The following MEOX2 variants were observed in gnomAD, a reference collection of about 807,000 sequenced individuals.
The protein encoded by MEOX2 is mesenchyme homeobox 2, also known as homeobox protein MOX-2.
A neutral mutation model predicts 27.0 loss-of-function variants in MEOX2; 11 were observed. The ratio of observed to expected loss-of-function variants is 0.41; its 90% CI spans 0.26 to 0.68. The LOEUF (loss-of-function observed/expected upper bound fraction) is 0.68, where lower values mean the gene tolerates loss of function less well. Among genes scored for constraint, MEOX2 ranks in the 30% least tolerant of loss-of-function variants. The pLI, the probability that MEOX2 is intolerant of heterozygous loss-of-function variation, is 0.33. For missense variants in MEOX2, 436 were observed against 385.4 expected, an observed-to-expected ratio of 1.13 and a Z score of -1.10; for synonymous variants, 189 against 155.4, an observed-to-expected ratio of 1.22 and a Z score of -1.61.
intron 1 of MEOX2, among the ~76,000 whole-genome samples, chr7:15,661,956 A>G (rs1012058644): frequency 6.6e-6 from 1 of 152,156 alleles, no homozygotes; most frequent in Non-Finnish European, 1.5e-5. Context: ...AGGGTATAAT[A>G]AAATAAACTT....
At chr7:15,667,412 T>G (rs1217474517) in intron 1 of MEOX2, among the ~76,000 whole-genome samples, 3 of 152,074 alleles carry the variant, frequency 2.0e-5, no homozygotes, top group Non-Finnish European at 4.4e-5. Context: ...GCTGCATTAT[T>G]ATACCCTCTG....
intron 2 of MEOX2, among the ~76,000 whole-genome samples, chr7:15,624,798 C>T (rs1442136103): frequency 6.6e-6 from 1 of 152,112 alleles, no homozygotes; most frequent in Admixed American, 6.6e-5. Flanking sequence ...GTTTGTTACA[C>T]AGCAAAGGGT....
rs566909861 is a variant in MEOX2 at position 15,629,096 on chromosome 7, T to A, written c.518-2178A>T. ...TTTCTCATGAGCAGTTCAATTTGAA[T>A]GATTCATGGTTAGCACATTCCCTTA... On this transcript the variant is annotated intron_variant, in intron 1 of 2. Coordinates refer to ENST00000262041, the MANE Select transcript of MEOX2 (RefSeq NM_005924.5). 2.6e-5 allele frequency among the ~76,000 whole-genome samples: 4 copies of A among 152,218 alleles called. No individual in the cohort carries two copies. The South Asian group carries it at 6.2e-4, about 24-fold the overall frequency.
intron 1 of MEOX2, among the ~76,000 whole-genome samples, chr7:15,677,944 T>G (rs1217311707): frequency 6.6e-6 from 1 of 152,190 alleles, no homozygotes; most frequent in Non-Finnish European, 1.5e-5. Context: ...AGAAAATAAA[T>G]TATACAGCTC....
intron 1 of MEOX2, among the ~76,000 whole-genome samples, chr7:15,635,885 G>C (rs951718560): frequency 5.9e-5 from 9 of 151,918 alleles, no homozygotes; most frequent in African/African-American, 1.9e-4. Flanking sequence ...ACTTTACAAG[G>C]CTTAGTGGTA....
chr7:15,676,230 C>A (rs1484445784), intron 1 of MEOX2: 1 of 152,054 alleles, frequency 6.6e-6, no homozygotes, highest in African/African-American at 2.4e-5. Context: ...CAAATGTGAA[C>A]AAACAAATAA....
At chr7:15,622,351 C>G (rs966404795) in intron 2 of MEOX2, among the ~76,000 whole-genome samples, 2 of 152,010 alleles carry the variant, frequency 1.3e-5, no homozygotes, top group African/African-American at 4.8e-5. Context: ...TGAGTCCTGT[C>G]TCTGCTTTTG....
At chr7:15,635,640 T>G (rs1445201253) in intron 1 of MEOX2, among the ~76,000 whole-genome samples, 1 of 151,990 alleles carries the variant, frequency 6.6e-6, no homozygotes. Flanking sequence ...AATTATGCAT[T>G]TGATAAAATC....
chr7:15,645,149 A>T (rs1290840324), intron 1 of MEOX2, among the ~76,000 whole-genome samples: 3 of 152,240 alleles, frequency 2.0e-5, no homozygotes, highest in Non-Finnish European at 2.9e-5. Flanking sequence ...CTAAAAGCTC[A>T]TCTATAAAAC....
In MEOX2 at chr7:15,686,417, G is replaced by A. The variant is rs1782387015; in HGVS notation, c.-15C>T. On this transcript the variant is annotated 5_prime_UTR_variant, in exon 1 of 3. Coordinates refer to ENST00000262041, the MANE Select transcript of MEOX2 (RefSeq NM_005924.5). ...GGGTGTTCCATAGCATGCAAGTTTC[G>A]GGTTCCAGGCAGAAGACTTCACGGC... 6.4e-7 allele frequency: 1 copy of A among 1,556,066 alleles called. No individual in the cohort carries two copies. The highest frequency in any genetic ancestry group is 8.7e-7 in the Non-Finnish European group (1 of 1,149,128).
At chr7:15,646,557 T>C (rs1263802164) in intron 1 of MEOX2, among the ~76,000 whole-genome samples, 1 of 152,032 alleles carries the variant, frequency 6.6e-6, no homozygotes, top group Non-Finnish European at 1.5e-5. Flanking sequence ...AGTTGTTTGA[T>C]TATATTTTAA....
chr7:15,664,478 GCAAA>G (rs1442550935), intron 1 of MEOX2, among the ~76,000 whole-genome samples: 2 of 152,054 alleles, frequency 1.3e-5, no homozygotes, highest in African/African-American at 2.4e-5. Flanking sequence ...AAATATGCCA[GCAAA>G]CAAACAACAA....
At chr7:15,684,549 T>C (rs1487356809) in intron 1 of MEOX2, among the ~76,000 whole-genome samples, 3 of 152,148 alleles carry the variant, frequency 2.0e-5, no homozygotes, top group Non-Finnish European at 4.4e-5. Context: ...ATCCATCCTA[T>C]AGTAACGCTG....
At chr7:15,676,203 A>T (rs554763148) in intron 1 of MEOX2, 45 of 152,180 alleles carry the variant, frequency 3.0e-4, no homozygotes, top group Non-Finnish European at 3.5e-4. Flanking sequence ...ATATTTCTCA[A>T]TAACGTATTA....
At chr7:15,631,932 G>GTGTGTGTGTGTGTGTGTGT (rs371386224) in intron 1 of MEOX2, among the ~76,000 whole-genome samples, 38 of 149,928 alleles carry the variant, frequency 2.5e-4, no homozygotes, top group South Asian at 4.2e-4. Context: ...GTGTGTGTGT[G>GTGTGTGTGTGTGTGTGTGT]GAGAGAAAGA....
chr7:15,612,408 G>A lies in MEOX2; in HGVS notation c.894C>T (p.Ser298=). The A allele has an allele frequency of 6.2e-7, 1 of 1,614,006 alleles. No homozygotes were observed. The highest frequency in any genetic ancestry group is 1.3e-5 in the African/African-American group (1 of 75,056). The stretch of plus-strand genomic sequence containing the variant: ...TATATCATAAGTGCGCATGCTCTGA[G>A]CTGTGGTCACTGTCGTGACTGTCTT... ...ANEDSHDSDH[S]SEHAHL is the part of the protein sequence containing the mutation. Residue 298 remains serine (S), a synonymous_variant, in exon 3 of 3, where the codon AGC becomes AGT. Transcript: ENST00000262041.
At chr7:15,685,865 G>C (rs1406051680) in intron 1 of MEOX2, 21 bp downstream of exon 1, 2 of 1,565,268 alleles carry the variant, frequency 1.3e-6, no homozygotes, top group Non-Finnish European at 1.7e-6. Context: ...GCACTCTCGA[G>C]GGTGCCTGGC....
intron 1 of MEOX2, among the ~76,000 whole-genome samples, chr7:15,671,520 A>T (rs890560788): frequency 7.9e-5 from 12 of 152,172 alleles, no homozygotes; most frequent in Admixed American, 1.3e-4. Context: ...CTAAGCCCAG[A>T]CCCAGAGCTG....
chr7:15,661,567 G>A (rs914947290), intron 1 of MEOX2, among the ~76,000 whole-genome samples: 1 of 152,190 alleles, frequency 6.6e-6, no homozygotes, highest in African/African-American at 2.4e-5. Context: ...AATGACTGAA[G>A]GAGTGGGGAG....
Sources: gnomAD v4.1 joint callset for allele counts (sites outside exome capture counted in the v4.1 genomes callset) on GRCh38, gnomAD v4.1.1 for gene constraint, MANE v1.5 for transcripts, NCBI Gene and HGNC (gene_info 2026-07-23, HGNC 2026-07-21) for gene names.